The following AP3D1 variants were observed in gnomAD, a reference collection of about 807,000 sequenced individuals.
The protein encoded by AP3D1 is AP-3 complex subunit delta-1.
Under a neutral mutation model 147.6 loss-of-function variants are expected in AP3D1, and 51 were observed. The observed-to-expected ratio is 0.35, with a 90% CI of 0.28 to 0.44. AP3D1 has a LOEUF of 0.44. AP3D1 is among the 20% of genes least tolerant of loss of function. The pLI, the probability that AP3D1 is intolerant of heterozygous loss-of-function variation, is 1.00. For synonymous variants in AP3D1, 760 were observed against 663.0 expected (o/e 1.15, Z -2.25); for missense variants, 1,421 against 1,624.2 (o/e 0.87, Z 2.15).
chr19:2,113,205 C>A, intron 23 of AP3D1, 131 bp downstream of exon 23: 1 of 650,860 alleles, frequency 1.5e-6, no homozygotes, highest in Non-Finnish European at 2.7e-6. Context: ...CCACTCAGTG[C>A]TGGGTCCCAC....
rs1279594685 is a variant in AP3D1 at position 2,123,421 on chromosome 19, A to G, written c.907-15T>C. On this transcript the variant is annotated splice_polypyrimidine_tract_variant and intron_variant, in intron 10 of 31. Coordinates refer to ENST00000643116, the MANE Select transcript of AP3D1 (RefSeq NM_001261826.3). ...TGAACACAAAGCTGAAAAGAAGAAA[A>G]AAACGATGCTGGTTACATCCTCTAA... The G allele has an allele frequency of 6.2e-7, 1 of 1,613,740 alleles. No homozygotes were observed. Among genetic ancestry groups the G allele is most frequent in the African/African-American group, 1.3e-5 (1 of 74,926 alleles).
At chr19:2,135,702 G>A (rs946066784) in intron 4 of AP3D1, among the ~76,000 whole-genome samples, 1 of 152,130 alleles carries the variant, frequency 6.6e-6, no homozygotes, top group Non-Finnish European at 1.5e-5. Context: ...CGACACACAG[G>A]GTCTAACAGC....
At position 2,114,940 on chromosome 19, in the gene AP3D1, G is replaced by C. The variant is rs190426259; in HGVS notation, c.2350-119C>G. The stretch of plus-strand genomic sequence containing the variant: ...GCCACACGCACAGGTGGGCAGTGAC[G>C]TGGCTCCACCAGAGGCTCCGCTCAG... On this transcript the variant is annotated intron_variant, in intron 20 of 31. Coordinates refer to ENST00000643116, the MANE Select transcript of AP3D1 (RefSeq NM_001261826.3). The C allele has an allele frequency of 4.5e-3, 5,182 of 1,156,256 alleles. 22 individuals carry two copies. Among genetic ancestry groups the C allele is most frequent in the Non-Finnish European group, 5.8e-3 (4,572 of 782,116 alleles). 71.6% of individuals were successfully genotyped at this position (1,156,256 alleles called of 1,614,324 possible).
Position 2,110,909 on chromosome 19 carries a change from G to C in AP3D1, c.2986-13C>G, listed in dbSNP as rs201248095. 69 of 1,611,098 alleles carry C rather than the reference G, an allele frequency of 4.3e-5. No individual in the cohort carries two copies. In the African/African-American group the frequency reaches 8.7e-4, roughly 20 times the overall value. On this transcript the variant is annotated splice_polypyrimidine_tract_variant and intron_variant, in intron 26 of 31. Coordinates refer to ENST00000643116, the MANE Select transcript of AP3D1 (RefSeq NM_001261826.3). ...GGATGTCACAGGTCTGCAGGGCATG[G>C]CCAGTGTTAGCAGGGCAGGCGGGCC... is the stretch of plus-strand genomic sequence containing the variant.
intron 5 of AP3D1, among the ~76,000 whole-genome samples, chr19:2,132,122 T>TGTGGCCA (rs1362628859): frequency 1.3e-5 from 2 of 152,054 alleles, no homozygotes; most frequent in Non-Finnish European, 2.9e-5. Context: ...GGAGTCAAGC[T>TGTGGCCA]GTGGCCAGGG....
chr19:2,163,649 G>C (rs1327027035), intron 1 of AP3D1, among the ~76,000 whole-genome samples: 1 of 152,130 alleles, frequency 6.6e-6, no homozygotes, highest in Non-Finnish European at 1.5e-5. Flanking sequence ...TCCTCCTCCT[G>C]GGACGGGATT....
At chr19:2,164,330 C>G in intron 1 of AP3D1, 1 of 1,121,270 alleles carries the variant, frequency 8.9e-7, no homozygotes, top group Non-Finnish European at 1.1e-6. Context: ...CTGGGGACAC[C>G]CCAAACCCCC....
chr19:2,105,715 C>T (rs1399441855), intron 31 of AP3D1, among the ~76,000 whole-genome samples: 3 of 152,186 alleles, frequency 2.0e-5, no homozygotes, highest in Non-Finnish European at 4.4e-5. Context: ...TAGGGTCTCC[C>T]TGACCAAGCT....
At chr19:2,110,686 C>T (rs896222462) in intron 27 of AP3D1, 21 bp downstream of exon 27, 9 of 1,566,880 alleles carry the variant, frequency 5.7e-6, no homozygotes, top group South Asian at 4.7e-5. Context: ...CAGGAGAGGC[C>T]GTGAGTGGGG....
At chr19:2,131,394 C>G (rs1009035865) in intron 5 of AP3D1, among the ~76,000 whole-genome samples, 5 of 138,438 alleles carry the variant, frequency 3.6e-5, no homozygotes, top group Non-Finnish European at 8.2e-5. Context: ...CAGGCAGCCA[C>G]GCGGGGACAG....
At chr19:2,117,179 T>C (rs1250223968) in intron 16 of AP3D1, 43 bp downstream of exon 16, 1 of 1,548,798 alleles carries the variant, frequency 6.5e-7, no homozygotes, top group Admixed American at 1.9e-5. Flanking sequence ...CAAGGGACCA[T>C]GTCAGGGCCA....
chr19:2,129,150 G>A lies in AP3D1; in HGVS notation c.746C>T (p.Thr249Ile), dbSNP rs753173831. Residue 249 changes from threonine to isoleucine, a missense_variant, in exon 8 of 32, where the codon ACT becomes ATT. Thr to Ile is a moderately conservative substitution (Grantham distance 89). This residue lies in a region of AP3D1 where 292 missense variants were observed against 412.0 expected (regional missense o/e 0.71). Transcript: ENST00000643116. ...CTTGCCCAGCCGCGGTTCCAAAGGA[G>A]TAAGAGCACCGAACTGTGGGGACAG... ...IKIIKLFGAL[T>I]PLEPRLGKKL... The A allele has an allele frequency of 6.2e-7, 1 of 1,602,822 alleles. No individual in the cohort carries two copies. Among genetic ancestry groups the A allele is most frequent in the Non-Finnish European group, 8.5e-7 (1 of 1,175,428 alleles).
At chr19:2,160,095 C>T (rs982949156) in intron 1 of AP3D1, among the ~76,000 whole-genome samples, 4 of 151,894 alleles carry the variant, frequency 2.6e-5, no homozygotes, top group African/African-American at 7.3e-5. Flanking sequence ...ATGATCTGCC[C>T]GCCTCAGCCT....
intron 1 of AP3D1, among the ~76,000 whole-genome samples, chr19:2,141,979 T>C (rs1417303085): frequency 6.7e-6 from 1 of 149,752 alleles, no homozygotes; most frequent in Admixed American, 6.7e-5. Flanking sequence ...TATACTTGTT[T>C]ACATATATAT....
chr19:2,157,571 A>G (rs1236778310), intron 1 of AP3D1, among the ~76,000 whole-genome samples: 3 of 150,730 alleles, frequency 2.0e-5, no homozygotes, highest in Non-Finnish European at 4.4e-5. Flanking sequence ...CCATCTACCC[A>G]TCCACCCATC....
chr19:2,111,914 T>TGTG lies in AP3D1; in HGVS notation c.2788-87_2788-86insCAC, dbSNP rs540094467. 6.0e-4 allele frequency: 951 copies of TGTG among 1,589,028 alleles called. 7 individuals carry two copies. The African/African-American group carries it at 9.4e-3, about 16-fold the overall frequency. Reference sequence around the variant, plus strand: ...TGTGAGGTCAGGATCACAGCAGGGCTGCTCAGGCTGAGGGTCCCACGTGCC... The same window carrying TGTG: ...TGTGAGGTCAGGATCACAGCAGGGCTGTGGCTCAGGCTGAGGGTCCCACGTGCC... On this transcript the variant is annotated intron_variant, in intron 24 of 31. Transcript: ENST00000643116.
At chr19:2,129,224 G>A (rs1049213002) in intron 7 of AP3D1, 61 bp from the exon 8 acceptor site, 21 of 1,602,820 alleles carry the variant, frequency 1.3e-5, no homozygotes, top group Non-Finnish European at 1.6e-5. Context: ...GTGAGGGACA[G>A]GGGGGGCCTC....
Position 2,110,791 on chromosome 19 carries a change from G to A in AP3D1, c.3091C>T (p.Leu1031=), listed in dbSNP as rs560258409. The part of the protein sequence containing the change: ...SILKGMELSV[L]DSLNARMARP... Reference sequence around the variant, plus strand: ...GCCATCCTGGCATTGAGTGAGTCCAGCACGCTGAGCTCCATGCCCTTGAGG... The same window carrying A: ...GCCATCCTGGCATTGAGTGAGTCCAACACGCTGAGCTCCATGCCCTTGAGG... Residue 1031 remains leucine, a synonymous_variant, in exon 27 of 32, where the codon CTG becomes TTG. Transcript: ENST00000643116. The A allele has an allele frequency of 1.2e-6, 2 of 1,613,384 alleles. No individual in the cohort carries two copies. The highest frequency in any genetic ancestry group is 2.2e-5 in the East Asian group (1 of 44,878).
At chr19:2,126,634 C>T (rs1021766554) in intron 9 of AP3D1, among the ~76,000 whole-genome samples, 15 of 117,608 alleles carry the variant, frequency 1.3e-4, no homozygotes, top group Middle Eastern at 5.8e-3. Flanking sequence ...GCCTGGGCAA[C>T]AGAGTGAGAC....
Sources: gnomAD v4.1 joint callset for allele counts (sites outside exome capture counted in the v4.1 genomes callset) on GRCh38, gnomAD v4.1.1 for gene constraint, gnomAD v4.1.1 regional missense constraint, MANE v1.5 for transcripts, NCBI Gene and HGNC (gene_info 2026-07-23, HGNC 2026-07-21) for gene names.